TRIM69: variants seen among roughly 807,000 people sequenced by gnomAD.
The protein encoded by TRIM69 is tripartite motif containing 69, also known as E3 ubiquitin-protein ligase TRIM69.
TRIM69 carries 29 observed loss-of-function variants against 37.7 expected under a neutral mutation model. That is an observed-to-expected ratio of 0.77 (90% CI 0.57 to 1.05). The LOEUF (loss-of-function observed/expected upper bound fraction) is 1.05, where lower values mean the gene tolerates loss of function less well. Among genes scored for constraint, TRIM69 ranks in the 50% least tolerant of loss-of-function variants. The pLI is 0.00. For synonymous variants in TRIM69, 209 were observed against 212.4 expected, an observed-to-expected ratio of 0.98 and a Z score of 0.14; for missense variants, 596 against 579.9, an observed-to-expected ratio of 1.03 and a Z score of -0.28.
chr15:44,742,818 C>G (rs375690946), intron 1 of TRIM69, among the ~76,000 whole-genome samples: 1 of 150,524 alleles, frequency 6.6e-6, no homozygotes, highest in Non-Finnish European at 1.5e-5. Context: ...TAAAAGAGGA[C>G]ACAAACAAAT....
intron 1 of TRIM69, among the ~76,000 whole-genome samples, chr15:44,745,665 T>G (rs1408812393): frequency 6.6e-6 from 1 of 152,138 alleles, no homozygotes; most frequent in Non-Finnish European, 1.5e-5. Context: ...ACCATGAGAC[T>G]GATGTCTCAC....
intron 1 of TRIM69, among the ~76,000 whole-genome samples, chr15:44,745,902 C>G (rs1004451714): frequency 1.3e-5 from 2 of 151,990 alleles, no homozygotes; most frequent in African/African-American, 4.8e-5. Flanking sequence ...CCTCAGAAAC[C>G]TGTGGGACTG....
chr15:44,750,715 C>CTTTTTTTTTTTT lies in TRIM69; in HGVS notation c.7-4169_7-4158dup, dbSNP rs869059418. Reference sequence around the variant, plus strand: ...TCGCATTTTTATTTCATTACTTTTTCTTTTTTTTTTTTTTTTTTTTTTTTT... The same window carrying CTTTTTTTTTTTT: ...TCGCATTTTTATTTCATTACTTTTTCTTTTTTTTTTTTTTTTTTTTTTTTTTTTTTTTTTTTT... On this transcript the variant is annotated intron_variant, in intron 1 of 6. Coordinates refer to ENST00000329464, the MANE Select transcript of TRIM69 (RefSeq NM_182985.5). Among the ~76,000 whole-genome samples the CTTTTTTTTTTTT allele has an allele frequency of 6.8e-5, 7 of 102,836 alleles. 2 individuals are homozygous for CTTTTTTTTTTTT. The highest frequency in any genetic ancestry group is 3.1e-4 in the South Asian group (1 of 3,214). The allele number at this position is 102,836 out of a possible 152,430, so 67.5% of individuals were successfully genotyped here.
intron 6 of TRIM69, among the ~76,000 whole-genome samples, chr15:44,761,667 G>A (rs1320849813): frequency 6.6e-6 from 1 of 152,180 alleles, no homozygotes; most frequent in Non-Finnish European, 1.5e-5. Flanking sequence ...GTTTTGCCAT[G>A]TTGGCCAGGC....
chr15:44,739,155 A>G (rs2087224342), intron 1 of TRIM69, among the ~76,000 whole-genome samples: 1 of 152,186 alleles, frequency 6.6e-6, no homozygotes, highest in Non-Finnish European at 1.5e-5. Context: ...AAGAAATTCC[A>G]TACCCATTAT....
At chr15:44,739,411 C>T (rs866954259) in intron 1 of TRIM69, among the ~76,000 whole-genome samples, 28 of 152,284 alleles carry the variant, frequency 1.8e-4, no homozygotes, top group Middle Eastern at 6.8e-3. Context: ...GTGCGTGAGC[C>T]GAAGCAGGGC....
intron 6 of TRIM69, among the ~76,000 whole-genome samples, chr15:44,761,690 C>T (rs1244551196): frequency 6.6e-6 from 1 of 152,204 alleles, no homozygotes; most frequent in African/African-American, 2.4e-5. Context: ...ATCTTGAACT[C>T]CTGGCCTTAA....
At chr15:44,739,237 C>A (rs114907632) in intron 1 of TRIM69, among the ~76,000 whole-genome samples, 6 of 152,146 alleles carry the variant, frequency 3.9e-5, no homozygotes, top group African/African-American at 1.4e-4. Context: ...TAAAAACACA[C>A]GGAGGGGGCA....
At chr15:44,758,991 A>T (rs1445845380) in intron 4 of TRIM69, 137 bp downstream of exon 4, 1 of 1,159,422 alleles carries the variant, frequency 8.6e-7, no homozygotes, top group African/African-American at 1.6e-5. Flanking sequence ...AGTGCTTTTA[A>T]GATTCTCTGG....
At chr15:44,738,758 G>A (rs910658636) in intron 1 of TRIM69, among the ~76,000 whole-genome samples, 5 of 152,174 alleles carry the variant, frequency 3.3e-5, no homozygotes, top group African/African-American at 1.2e-4. Context: ...GAAGATACTT[G>A]AAGCAATCTG....
At chr15:44,757,348 A>T (rs1210334806) in intron 3 of TRIM69, 1 of 152,196 alleles carries the variant, frequency 6.6e-6, no homozygotes. Context: ...ATAGGGTATG[A>T]TGATAGCATA....
intron 1 of TRIM69, among the ~76,000 whole-genome samples, chr15:44,752,724 A>AT (rs925969789): frequency 6.6e-6 from 1 of 151,688 alleles, no homozygotes; most frequent in Non-Finnish European, 1.5e-5. Context: ...TGATTAACTG[A>AT]TTTTTTTCTA....
At position 44,756,669 on chromosome 15, in the gene TRIM69, C is replaced by A. The variant is rs1196761372; in HGVS notation, c.579+206C>A. 8 of 446,428 alleles carry A rather than the reference C, an allele frequency of 1.8e-5. No homozygotes were observed. The Admixed American group carries it at 2.8e-4, about 16-fold the overall frequency. 27.7% of individuals were successfully genotyped at this position (446,428 alleles called of 1,614,324 possible). ...ATAGCTGATCAACAGAGCAGATTAA[C>A]CTTTCCCCTAATATGCTGATCTTTT... On this transcript the variant is annotated intron_variant, in intron 3 of 6. Coordinates refer to ENST00000329464, the MANE Select transcript of TRIM69 (RefSeq NM_182985.5).
rs1247919045 is a variant in TRIM69 at position 44,759,923 on chromosome 15, A to G, written c.961+51A>G. On this transcript the variant is annotated intron_variant, in intron 6 of 6. Coordinates refer to ENST00000329464, the MANE Select transcript of TRIM69 (RefSeq NM_182985.5). Reference sequence around the variant, plus strand: ...TCTTGAGGCTCCTAATCTACGTTTAATCTGTGGGACTTCTTCTGTGGCCCT... The same window carrying G: ...TCTTGAGGCTCCTAATCTACGTTTAGTCTGTGGGACTTCTTCTGTGGCCCT... The G allele has an allele frequency of 5.7e-6, 9 of 1,576,320 alleles. No individual in the cohort carries two copies. The East Asian group carries it at 2.0e-4, about 36-fold the overall frequency.
At chr15:44,746,276 A>C (rs974399684) in intron 1 of TRIM69, among the ~76,000 whole-genome samples, 1 of 152,218 alleles carries the variant, frequency 6.6e-6, no homozygotes, top group African/African-American at 2.4e-5. Context: ...TCCAATATGA[A>C]GAAGAATTTA....
chr15:44,763,364 TCATCA>T (rs1243382577), intron 6 of TRIM69, among the ~76,000 whole-genome samples: 2 of 152,254 alleles, frequency 1.3e-5, no homozygotes, highest in Non-Finnish European at 2.9e-5. Context: ...AGTGTCATTG[TCATCA>T]CATCACATTA....
chr15:44,758,002 G>T (rs1485717814), intron 3 of TRIM69: 1 of 153,440 alleles, frequency 6.5e-6, no homozygotes, highest in African/African-American at 2.4e-5. Flanking sequence ...GAGTGAGCCT[G>T]GTGCATAAAA....
chr15:44,745,082 A>C (rs1407321600), intron 1 of TRIM69, among the ~76,000 whole-genome samples: 5 of 152,074 alleles, frequency 3.3e-5, no homozygotes, highest in East Asian at 3.8e-4. Flanking sequence ...AAAAAAAAAA[A>C]AAACCTGAGA....
In TRIM69 at chr15:44,758,685, A is replaced by G; in HGVS notation, c.644A>G (p.His215Arg). ...TTTCTAAAGCTGCATCAGTTCCTGC[A>G]CAGCAAAGAAAAGGACATTTTAACT... ...MEFLKLHQFL[H>R]SKEKDILTEL... Residue 215 changes from histidine (H) to arginine (R), a missense_variant, in exon 4 of 7, where the codon CAC (histidine) becomes CGC (arginine). Coordinates refer to ENST00000329464, the MANE Select transcript of TRIM69 (RefSeq NM_182985.5). 3 of 1,614,184 alleles carry G rather than the reference A, an allele frequency of 1.9e-6. No individual in the cohort carries two copies. The highest frequency in any genetic ancestry group is 2.2e-5 in the South Asian group (2 of 91,080).
Sources: gnomAD v4.1 joint callset for allele counts (sites outside exome capture counted in the v4.1 genomes callset) on GRCh38, gnomAD v4.1.1 for gene constraint, MANE v1.5 for transcripts, NCBI Gene and HGNC (gene_info 2026-07-23, HGNC 2026-07-21) for gene names.